PAK1: variants seen among roughly 807,000 people sequenced by gnomAD.
The protein encoded by PAK1 is serine/threonine-protein kinase PAK 1.
In PAK1, 29 loss-of-function variants were observed where a neutral mutation model predicts 67.4. The observed-to-expected ratio is 0.43, with a 90% CI of 0.32 to 0.59. The LOEUF (loss-of-function observed/expected upper bound fraction) is 0.59, where lower values mean the gene tolerates loss of function less well. Ranked by LOEUF, PAK1 falls within the 20% of genes least tolerant of loss-of-function variation. The pLI, the probability that PAK1 is intolerant of heterozygous loss-of-function variation, is 0.07. For synonymous variants in PAK1, 223 were observed against 237.4 expected (o/e 0.94, Z 0.56); for missense variants, 337 against 670.7 (o/e 0.50, Z 5.50).
At chr11:77,461,476 A>G (rs1199384237) in intron 1 of PAK1, among the ~76,000 whole-genome samples, 2 of 152,232 alleles carry the variant, frequency 1.3e-5, no homozygotes. Flanking sequence ...GAATTATTCT[A>G]CTGGTTCTGT....
chr11:77,498,403 G>GA, the PAK1 span, among the ~76,000 whole-genome samples: 1 of 152,172 alleles, frequency 6.6e-6, no homozygotes, highest in African/African-American at 2.4e-5. Context: ...CTTCCAGTGT[G>GA]ATGTCTGCTG....
chr11:77,383,484 C>A (rs1292014582), intron 2 of PAK1, among the ~76,000 whole-genome samples: 1 of 152,068 alleles, frequency 6.6e-6, no homozygotes, highest in Non-Finnish European at 1.5e-5. Context: ...CGCCACCATA[C>A]CCAGTTACTT....
intron 1 of PAK1, among the ~76,000 whole-genome samples, chr11:77,432,174 C>G (rs1243690090): frequency 6.6e-6 from 1 of 151,974 alleles, no homozygotes; most frequent in Non-Finnish European, 1.5e-5. Context: ...CCCATAATAA[C>G]ACAATAAAGG....
At chr11:77,410,956 G>A (rs145904694) in intron 1 of PAK1, among the ~76,000 whole-genome samples, 369 of 152,108 alleles carry the variant, frequency 2.4e-3, no homozygotes, top group Middle Eastern at 0.014. Flanking sequence ...CTAGTTTAAC[G>A]CAACTTTATA....
intron 1 of PAK1, among the ~76,000 whole-genome samples, chr11:77,395,702 C>T (rs995786542): frequency 6.6e-6 from 1 of 152,160 alleles, no homozygotes; most frequent in East Asian, 1.9e-4. Flanking sequence ...AAACCCTAAC[C>T]CCACTTCTTT....
intron 1 of PAK1, among the ~76,000 whole-genome samples, chr11:77,398,811 G>C (rs971758197): frequency 6.6e-6 from 1 of 152,128 alleles, no homozygotes; most frequent in Non-Finnish European, 1.5e-5. Context: ...CAACTATACT[G>C]TTCTTGAGGT....
chr11:77,437,732 C>G (rs192644925), intron 1 of PAK1, among the ~76,000 whole-genome samples: 28 of 122,332 alleles, frequency 2.3e-4, no homozygotes, highest in Non-Finnish European at 1.6e-5. Flanking sequence ...TTGAGAAATT[C>G]AAATATAGAC....
Position 77,340,669 on chromosome 11 carries a change from G to C in PAK1, c.1093C>G (p.Gln365Glu). 6.3e-7 allele frequency: 1 copy of C among 1,599,498 alleles called. No homozygotes were observed. The highest frequency in any genetic ancestry group is 8.6e-7 in the Non-Finnish European group (1 of 1,166,644). Reference sequence around the variant, plus strand: ...ACCTCACGGCACACAGCTGCAATTTGGCCTTCATCCATGCAAGTTTCTGTC... The same window carrying C: ...ACCTCACGGCACACAGCTGCAATTTCGCCTTCATCCATGCAAGTTTCTGTC... Reference protein sequence around the residue: ...VVTETCMDEGQIAAVCRECLQ... With the variant: ...VVTETCMDEGEIAAVCRECLQ... The change falls in exon 11 of 15, where the codon CAA becomes GAA. Residue 365 changes from glutamine to glutamate, a missense_variant. Gln to Glu is a conservative substitution (Grantham distance 29, BLOSUM62 2). This residue lies in a region of PAK1 where 25 missense variants were observed against 47.6 expected (regional missense o/e 0.53). Coordinates refer to ENST00000356341, the MANE Select transcript of PAK1 (RefSeq NM_002576.5).
chr11:77,379,516 A>C, intron 3 of PAK1, 128 bp from the exon 4 acceptor site: 1 of 786,552 alleles, frequency 1.3e-6, no homozygotes, highest in Non-Finnish European at 2.0e-6. Context: ...TTCTCTCTAT[A>C]CTCTCAGAGT....
At chr11:77,482,453 A>G in the PAK1 span, among the ~76,000 whole-genome samples, 2 of 152,260 alleles carry the variant, frequency 1.3e-5, no homozygotes, top group Non-Finnish European at 1.5e-5. Flanking sequence ...AACTTCCATA[A>G]ATTATCAGTG....
At chr11:77,490,295 C>CCCCCCCCCCCCGG in the PAK1 span, among the ~76,000 whole-genome samples, 1 of 148,032 alleles carries the variant, frequency 6.8e-6, no homozygotes, top group African/African-American at 2.6e-5. Context: ...GGTCAGCCCC[C>CCCCCCCCCCCCGG]CCACCCGGCC....
intron 1 of PAK1, among the ~76,000 whole-genome samples, chr11:77,398,830 C>G (rs575558587): frequency 1.3e-5 from 2 of 152,168 alleles, no homozygotes; most frequent in Admixed American, 6.5e-5. Flanking sequence ...GTAATTCTAG[C>G]CCCTTTGTGT....
intron 8 of PAK1, among the ~76,000 whole-genome samples, chr11:77,352,243 T>C (rs775104208): frequency 6.6e-6 from 1 of 152,186 alleles, no homozygotes; most frequent in African/African-American, 2.4e-5. Flanking sequence ...ATAACCACTA[T>C]TCTGACTTCT....
chr11:77,513,085 G>A, the PAK1 span, among the ~76,000 whole-genome samples: 1 of 152,166 alleles, frequency 6.6e-6, no homozygotes, highest in Non-Finnish European at 1.5e-5. Context: ...CTGAGACCCT[G>A]TCTCAGAGAA....
At chr11:77,495,315 A>G in the PAK1 span, among the ~76,000 whole-genome samples, 1 of 151,620 alleles carries the variant, frequency 6.6e-6, no homozygotes, top group Non-Finnish European at 1.5e-5. Flanking sequence ...CTCCACTAAA[A>G]ATACAAAAAT....
At chr11:77,450,389 T>C (rs1268241697) in intron 1 of PAK1, among the ~76,000 whole-genome samples, 2 of 152,038 alleles carry the variant, frequency 1.3e-5, no homozygotes, top group Non-Finnish European at 2.9e-5. Context: ...TCCCACACAA[T>C]GACTAGGGAT....
chr11:77,507,770 C>T, the PAK1 span, among the ~76,000 whole-genome samples: 5 of 152,200 alleles, frequency 3.3e-5, no homozygotes, highest in African/African-American at 1.2e-4. Context: ...AAGCAATCCT[C>T]TCACCTTGGC....
chr11:77,475,043 A>T (rs1393183532), upstream of PAK1: 1 of 152,208 alleles, frequency 6.6e-6, no homozygotes, highest in East Asian at 1.9e-4. Context: ...TACCTTAACT[A>T]GGTCTTCCTA....
chr11:77,338,152 A>G (rs994365362), intron 11 of PAK1, among the ~76,000 whole-genome samples: 1 of 152,176 alleles, frequency 6.6e-6, no homozygotes, highest in Non-Finnish European at 1.5e-5. Flanking sequence ...TGACTATATA[A>G]TTCTGGACTT....
Sources: allele counts gnomAD v4.1 joint callset (sites outside exome capture counted in the v4.1 genomes callset), GRCh38; gene constraint gnomAD v4.1.1; regional missense constraint gnomAD v4.1.1; transcripts MANE v1.5; gene names NCBI Gene and HGNC (gene_info 2026-07-23, HGNC 2026-07-21).